The following GRAMD1C variants were observed in gnomAD, a reference collection of about 807,000 sequenced individuals.
The protein encoded by GRAMD1C is GRAM domain containing 1C.
GRAMD1C carries 89 observed loss-of-function variants against 97.8 expected under a neutral mutation model. The observed-to-expected ratio is 0.91, with a 90% CI of 0.77 to 1.09. The LOEUF is 1.09. Ranked by LOEUF, GRAMD1C falls within the 50% of genes least tolerant of loss-of-function variation. The pLI, the probability that GRAMD1C is intolerant of heterozygous loss-of-function variation, is 0.00. For synonymous variants in GRAMD1C, 256 were observed against 267.0 expected (o/e 0.96, Z 0.40); for missense variants, 740 against 766.4 (o/e 0.97, Z 0.41).
At position 113,858,801 on chromosome 3, in the gene GRAMD1C, C is replaced by T. The variant is rs529323746; in HGVS notation, c.175-10706C>T. Among the ~76,000 whole-genome samples, 41 of 152,224 alleles carry T rather than the reference C, an allele frequency of 2.7e-4. 2 individuals carry two copies. The highest frequency in any genetic ancestry group is 1.2e-3 in the Admixed American group (18 of 15,296). On this transcript the variant is annotated intron_variant, in intron 2 of 17. Coordinates refer to ENST00000358160, the MANE Select transcript of GRAMD1C (RefSeq NM_017577.5). ...CTCCAACTCCTGACCTTAGGTGACC[C>T]GCCCTCCTCGGCTTCCCAAAGTGCT...
chr3:113,937,974 CA>C, intron 14 of GRAMD1C, 111 bp from the exon 15 acceptor site: 2 of 587,468 alleles, frequency 3.4e-6, no homozygotes, highest in Admixed American at 8.0e-5. Context: ...CATTGCACTC[CA>C]GCCTGGGCAA....
Position 113,939,931 on chromosome 3 carries a change from GTCAAAGATAGAACATGCTGC to G in GRAMD1C, c.1741_1760del (p.Lys581ValfsTer18). 1 of 1,610,328 alleles carries G rather than the reference GTCAAAGATAGAACATGCTGC, an allele frequency of 6.2e-7. No homozygotes were observed. Among genetic ancestry groups the G allele is most frequent in the African/African-American group, 1.3e-5 (1 of 74,942 alleles). On this transcript the variant is annotated frameshift_variant, in exon 16 of 18. Transcript: ENST00000358160. LOFTEE classifies it high-confidence loss of function. ...TGAATGTGACACTGTTTCTGAAGCT[GTCAAAGATAGAACATGCTGC>G]TCAGTCCTTTTACCGTCTCCGCCTC...
intron 10 of GRAMD1C, among the ~76,000 whole-genome samples, chr3:113,922,415 C>T (rs1281155374): frequency 2.0e-5 from 3 of 152,142 alleles, no homozygotes; most frequent in African/African-American, 7.2e-5. Context: ...TTAAGTTTTA[C>T]ATTTAAGTCT....
chr3:113,857,228 T>C (rs1411216186), intron 2 of GRAMD1C, among the ~76,000 whole-genome samples: 1 of 152,200 alleles, frequency 6.6e-6, no homozygotes, highest in Non-Finnish European at 1.5e-5. Context: ...CTTCCAACGC[T>C]ATGTTGAATA....
At chr3:113,885,723 G>C (rs1180408505) in intron 6 of GRAMD1C, 8 of 1,554,448 alleles carry the variant, frequency 5.1e-6, no homozygotes, top group Non-Finnish European at 6.2e-6. Context: ...TGCTGTGGCA[G>C]GTAAACTGGA....
At chr3:113,830,994 C>T (rs1709550359) in intron 1 of GRAMD1C, among the ~76,000 whole-genome samples, 1 of 152,174 alleles carries the variant, frequency 6.6e-6, no homozygotes, top group Non-Finnish European at 1.5e-5. Context: ...GAGCATGAGA[C>T]AGGAGAATTG....
intron 11 of GRAMD1C, among the ~76,000 whole-genome samples, chr3:113,931,225 A>G (rs953147534): frequency 9.2e-5 from 14 of 152,188 alleles, no homozygotes; most frequent in African/African-American, 3.1e-4. Flanking sequence ...CTAGCTGGGC[A>G]GAGGATGGTG....
chr3:113,855,103 G>A (rs1934066736), intron 2 of GRAMD1C, among the ~76,000 whole-genome samples: 1 of 152,142 alleles, frequency 6.6e-6, no homozygotes, highest in Non-Finnish European at 1.5e-5. Flanking sequence ...CCTGAGGTCA[G>A]GAGTTTGAGA....
At chr3:113,876,029 AC>A in intron 4 of GRAMD1C, 135 bp from the exon 5 acceptor site, 1 of 596,776 alleles carries the variant, frequency 1.7e-6, no homozygotes, top group Non-Finnish European at 3.0e-6. Flanking sequence ...GTACTTATTA[AC>A]TCCTTCAAGT....
chr3:113,860,125 G>T (rs755866949), intron 2 of GRAMD1C, among the ~76,000 whole-genome samples: 17 of 152,070 alleles, frequency 1.1e-4, no homozygotes, highest in African/African-American at 4.1e-4. Context: ...GGGTTCAAGC[G>T]ATTCTCCTGC....
intron 1 of GRAMD1C, chr3:113,828,312 G>A (rs1348063835): frequency 6.6e-6 from 1 of 152,198 alleles, no homozygotes; most frequent in Non-Finnish European, 1.5e-5. Context: ...GGATCCTCCA[G>A]CCACTATCAG....
Position 113,947,020 on chromosome 3 carries a change from TA to T in GRAMD1C, c.*1543del, listed in dbSNP as rs1938126168. ...CGACAAACAATATTTTTGTGATGTT[TA>T]TTTAAACGTTGTATTTTATAACATA... On this transcript the variant is annotated 3_prime_UTR_variant, in exon 18 of 18. Coordinates refer to ENST00000358160, the MANE Select transcript of GRAMD1C (RefSeq NM_017577.5). 1 of 151,492 alleles carries T rather than the reference TA, an allele frequency of 6.6e-6. No individual in the cohort carries two copies. Among genetic ancestry groups the T allele is most frequent in the East Asian group, 2.0e-4 (1 of 4,936 alleles). 9.4% of individuals were successfully genotyped at this position (151,492 alleles called of 1,614,324 possible). A position where few individuals can be genotyped will look rare whatever the true frequency, so the allele number is the denominator to read the frequency against.
At chr3:113,907,180 T>C (rs964362698) in intron 8 of GRAMD1C, among the ~76,000 whole-genome samples, 5 of 152,246 alleles carry the variant, frequency 3.3e-5, no homozygotes, top group Non-Finnish European at 2.9e-5. Flanking sequence ...TGAAGGTGAA[T>C]CTGCCTGTGA....
intron 1 of GRAMD1C, among the ~76,000 whole-genome samples, chr3:113,832,086 G>A (rs1427251801): frequency 2.6e-5 from 4 of 151,210 alleles, no homozygotes; most frequent in Non-Finnish European, 5.9e-5. Context: ...CTGGAGTGCA[G>A]TGTGCAGTGG....
At position 113,932,886 on chromosome 3, in the gene GRAMD1C, C is replaced by CTT. The variant is rs11370149; in HGVS notation, c.1210-612_1210-611dup. 3.3e-3 allele frequency among the ~76,000 whole-genome samples: 471 copies of CTT among 141,926 alleles called. 5 individuals carry two copies. Among genetic ancestry groups the CTT allele is most frequent in the African/African-American group, 5.7e-3 (219 of 38,542 alleles). The allele number at this position is 141,926 out of a possible 152,430, so 93.1% of individuals were successfully genotyped here. A position where few individuals can be genotyped will look rare whatever the true frequency, so the allele number is the denominator to read the frequency against. On this transcript the variant is annotated intron_variant, in intron 11 of 17. Transcript: ENST00000358160. ...AACCCCAACTAATATTTTCTTCTTTCTTTTTTTTTTTTTTGAGACAGAGTC... is the reference window on the plus strand; with the variant it reads ...AACCCCAACTAATATTTTCTTCTTTCTTTTTTTTTTTTTTTTGAGACAGAGTC...
At chr3:113,887,708 CAAAAAAAAAAA>C (rs1156243184) in intron 6 of GRAMD1C, among the ~76,000 whole-genome samples, 84 of 47,558 alleles carry the variant, frequency 1.8e-3, no homozygotes, top group African/African-American at 6.4e-3. Context: ...ACTCCGTCTC[CAAAAAAAAAAA>C]AAAAAAAAAG....
chr3:113,868,426 T>C (rs1348447913), intron 2 of GRAMD1C, among the ~76,000 whole-genome samples: 1 of 152,346 alleles, frequency 6.6e-6, no homozygotes, highest in East Asian at 1.9e-4. Context: ...TGGATTCTGA[T>C]TGCATTCCCT....
intron 10 of GRAMD1C, among the ~76,000 whole-genome samples, chr3:113,930,050 A>G (rs1288624380): frequency 1.3e-5 from 2 of 152,190 alleles, no homozygotes; most frequent in African/African-American, 4.8e-5. Flanking sequence ...GTGTTCTAGA[A>G]CTATATTTCT....
intron 11 of GRAMD1C, among the ~76,000 whole-genome samples, chr3:113,932,868 A>G (rs1413860139): frequency 7.1e-6 from 1 of 140,818 alleles, no homozygotes; most frequent in Non-Finnish European, 1.5e-5. Context: ...ACCAACCCCA[A>G]CTAATATTTT....
Sources: allele counts gnomAD v4.1 joint callset (sites outside exome capture counted in the v4.1 genomes callset), GRCh38; gene constraint gnomAD v4.1.1; transcripts MANE v1.5; gene names NCBI Gene and HGNC (gene_info 2026-07-23, HGNC 2026-07-21).